The following GALNT14 variants were observed in gnomAD, a reference collection of about 807,000 sequenced individuals.
GALNT14 encodes the protein polypeptide N-acetylgalactosaminyltransferase 14.
GALNT14 carries 60 observed loss-of-function variants against 77.5 expected under a neutral mutation model. That is an observed-to-expected ratio of 0.77 (90% confidence interval 0.63 to 0.96). The LOEUF (loss-of-function observed/expected upper bound fraction) is 0.96. Among genes scored for constraint, GALNT14 ranks in the 40% least tolerant of loss-of-function variants. GALNT14 has a pLI of 0.00. For synonymous variants in GALNT14, 280 were observed against 281.7 expected (o/e 0.99, Z 0.06); for missense variants, 710 against 731.0 (o/e 0.97, Z 0.33).
intron 1 of GALNT14, among the ~76,000 whole-genome samples, chr2:31,013,400 G>A (rs1025816418): frequency 3.3e-5 from 5 of 152,188 alleles, no homozygotes; most frequent in African/African-American, 1.2e-4. Flanking sequence ...ACTTCCAAAT[G>A]CAAGAAAGAA....
At position 31,138,238 on chromosome 2, in the gene GALNT14, C is replaced by T; in HGVS notation, c.-152G>A. The T allele has an allele frequency of 1.1e-6, 1 of 917,600 alleles. No individual in the cohort carries two copies. Among genetic ancestry groups the T allele is most frequent in the Non-Finnish European group, 1.6e-6 (1 of 615,482 alleles). The allele number at this position is 917,600 out of a possible 1,614,324, so 56.8% of individuals were successfully genotyped here. ...GGAGGGGCGGCAGGATCCTGCAAGG[C>T]GCCCTTCCCGCTTCGAAGAGAAGCG... On this transcript the variant is annotated 5_prime_UTR_variant, in exon 1 of 15. Transcript: ENST00000349752.
At chr2:31,115,481 C>A (rs1324986251) in intron 1 of GALNT14, among the ~76,000 whole-genome samples, 1 of 152,068 alleles carries the variant, frequency 6.6e-6, no homozygotes, top group African/African-American at 2.4e-5. Context: ...GAAGAGAAAA[C>A]AGAGGTGTGA....
chr2:30,965,696 G>C (rs985890324), intron 3 of GALNT14, among the ~76,000 whole-genome samples: 20 of 152,312 alleles, frequency 1.3e-4, no homozygotes, highest in African/African-American at 4.8e-4. Flanking sequence ...AACGGGGATG[G>C]AACTGCAGGT....
At chr2:31,039,287 T>C (rs1476047398) in intron 1 of GALNT14, among the ~76,000 whole-genome samples, 4 of 152,182 alleles carry the variant, frequency 2.6e-5, no homozygotes, top group Non-Finnish European at 5.9e-5. Flanking sequence ...AATGTTTAAT[T>C]TTTACAACTA....
chr2:30,955,178 T>C (rs1667281202), intron 6 of GALNT14, among the ~76,000 whole-genome samples: 1 of 152,078 alleles, frequency 6.6e-6, no homozygotes, highest in Non-Finnish European at 1.5e-5. Flanking sequence ...GGTGTAGCCT[T>C]TGGGTGAGGG....
chr2:31,038,084 A>ATATATATATATT (rs1558514604), intron 1 of GALNT14, among the ~76,000 whole-genome samples: 1 of 52,650 alleles, frequency 1.9e-5, no homozygotes, highest in African/African-American at 9.2e-5. Context: ...ATATATATAT[A>ATATATATATATT]TTTTTTTTTT....
intron 1 of GALNT14, among the ~76,000 whole-genome samples, chr2:31,133,780 T>C (rs529908805): frequency 1.8e-4 from 28 of 152,358 alleles, no homozygotes; most frequent in African/African-American, 6.7e-4. Context: ...ACCATTCAAA[T>C]ACAGTCTGAA....
rs1160443628 is a variant in GALNT14 at position 31,138,058 on chromosome 2, A to G, written c.29T>C (p.Leu10Pro). 6.2e-7 allele frequency: 1 copy of G among 1,613,808 alleles called. No individual in the cohort carries two copies. The highest frequency in any genetic ancestry group is 1.1e-5 in the South Asian group (1 of 91,086). Reference sequence around the variant, plus strand: ...GATCCAGAGCACCCCGAAGACTGGCAGAACCAGCCGACGAGTCAGGCGCCG... The same window carrying G: ...GATCCAGAGCACCCCGAAGACTGGCGGAACCAGCCGACGAGTCAGGCGCCG... MRRLTRRLV[L>P]PVFGVLWITV... Residue 10 changes from leucine to proline, a missense_variant, in exon 1 of 15, where the codon CTG (leucine) becomes CCG (proline). Coordinates refer to ENST00000349752, the MANE Select transcript of GALNT14 (RefSeq NM_024572.4).
At chr2:31,134,937 C>T (rs1394837331) in intron 1 of GALNT14, among the ~76,000 whole-genome samples, 1 of 152,222 alleles carries the variant, frequency 6.6e-6, no homozygotes, top group Non-Finnish European at 1.5e-5. Flanking sequence ...AAAGTACTAT[C>T]TTGTCTCCCT....
chr2:30,939,827 G>A (rs931391846), intron 9 of GALNT14, among the ~76,000 whole-genome samples: 3 of 152,066 alleles, frequency 2.0e-5, no homozygotes, highest in Non-Finnish European at 4.4e-5. Flanking sequence ...CCCCTTCGCA[G>A]CTGGAGCATC....
chr2:30,894,466 A>T, the GALNT14 span, among the ~76,000 whole-genome samples: 1 of 152,184 alleles, frequency 6.6e-6, no homozygotes, highest in Non-Finnish European at 1.5e-5. Flanking sequence ...ATTCTGCCAC[A>T]GAAATACAGA....
intron 1 of GALNT14, among the ~76,000 whole-genome samples, chr2:31,082,621 C>T (rs923578009): frequency 1.3e-5 from 2 of 152,146 alleles, no homozygotes; most frequent in African/African-American, 4.8e-5. Flanking sequence ...GTATTATCTA[C>T]CTCGTAAAAA....
downstream of GALNT14, among the ~76,000 whole-genome samples, chr2:30,906,665 AC>A (rs1664151095): frequency 6.6e-6 from 1 of 151,994 alleles, no homozygotes; most frequent in Non-Finnish European, 1.5e-5. Flanking sequence ...CAGAAAGTCA[AC>A]AAGGATACCC....
chr2:31,060,372 G>A (rs1674514147), intron 1 of GALNT14, among the ~76,000 whole-genome samples: 1 of 152,158 alleles, frequency 6.6e-6, no homozygotes, highest in African/African-American at 2.4e-5. Flanking sequence ...TTCAGAACAA[G>A]CCCTATTTAA....
chr2:30,891,025 G>T, the GALNT14 span, among the ~76,000 whole-genome samples: 2 of 152,188 alleles, frequency 1.3e-5, no homozygotes, highest in South Asian at 4.1e-4. Context: ...TCATGGAAAA[G>T]TCAAAGTCTG....
At chr2:31,114,886 T>A (rs1558578060) in intron 1 of GALNT14, 2 of 701,728 alleles carry the variant, frequency 2.9e-6, no homozygotes, top group African/African-American at 1.8e-5. Context: ...AACAGGTAAC[T>A]AACAAAGAAA....
intron 1 of GALNT14, among the ~76,000 whole-genome samples, chr2:31,030,677 C>A (rs1307291829): frequency 6.6e-6 from 1 of 152,224 alleles, no homozygotes; most frequent in East Asian, 1.9e-4. Context: ...ACAATGACTT[C>A]TGCTTCTCTC....
chr2:30,967,110 T>C (rs1352922463), intron 2 of GALNT14, among the ~76,000 whole-genome samples: 3 of 152,196 alleles, frequency 2.0e-5, no homozygotes, highest in African/African-American at 7.2e-5. Context: ...TATTAAAAGA[T>C]GAAGTAAATA....
chr2:31,072,282 TA>T (rs1558547293), intron 1 of GALNT14, among the ~76,000 whole-genome samples: 672 of 37,722 alleles, frequency 0.018, 5 homozygotes, highest in Middle Eastern at 0.043. Context: ...CACACACACA[TA>T]CACACACACA....
Sources: allele counts gnomAD v4.1 joint callset (sites outside exome capture counted in the v4.1 genomes callset), GRCh38; gene constraint gnomAD v4.1.1; transcripts MANE v1.5; gene names NCBI Gene and HGNC (gene_info 2026-07-23, HGNC 2026-07-21).